The following SHROOM3 variants were observed in gnomAD, a reference collection of about 807,000 sequenced individuals.
The protein encoded by SHROOM3 is shroom family member 3.
In SHROOM3, 47 loss-of-function variants were observed where a neutral mutation model predicts 138.6. That is an observed-to-expected ratio of 0.34 (90% confidence interval 0.27 to 0.43). SHROOM3 has a LOEUF of 0.43. SHROOM3 is among the 20% of genes least tolerant of loss of function. The pLI, the probability that SHROOM3 is intolerant of heterozygous loss-of-function variation, is 1.00. For synonymous variants in SHROOM3, 1,062 were observed against 1,063.3 expected, an observed-to-expected ratio of 1.00 and a Z score of 0.02; for missense variants, 2,491 against 2,596.5, an observed-to-expected ratio of 0.96 and a Z score of 0.88.
At chr4:76,504,765 G>C (rs6848596) in intron 1 of SHROOM3, among the ~76,000 whole-genome samples, 47,605 of 152,042 alleles carry the variant, frequency 0.31, 8,727 homozygotes, top group African/African-American at 0.5. Context: ...CATCTACATA[G>C]AACATCACTG....
intron 10 of SHROOM3, among the ~76,000 whole-genome samples, chr4:76,772,351 G>A (rs1422922286): frequency 1.3e-5 from 2 of 152,042 alleles, no homozygotes; most frequent in Admixed American, 6.6e-5. Context: ...TGATCCACCT[G>A]CCTTGGCCTC....
intron 2 of SHROOM3, among the ~76,000 whole-genome samples, chr4:76,695,772 C>T (rs1266391547): frequency 6.6e-6 from 1 of 152,166 alleles, no homozygotes; most frequent in Non-Finnish European, 1.5e-5. Context: ...ATTATTGGTC[C>T]TGACATCAAA....
rs140334871 is a variant in SHROOM3 at position 76,505,543 on chromosome 4, G to T, written c.169-50066G>T. 5.0e-3 allele frequency among the ~76,000 whole-genome samples: 740 copies of T among 148,746 alleles called. 9 individuals carry two copies. Among genetic ancestry groups the T allele is most frequent in the African/African-American group, 0.018 (711 of 40,458 alleles). ...CTATGGATTCAACCAACCACAAATT[G>T]AAAATATTTGGGAAAAAAATAATAA... On this transcript the variant is annotated intron_variant, in intron 1 of 10. Coordinates refer to ENST00000296043, the MANE Select transcript of SHROOM3 (RefSeq NM_020859.4).
Position 76,555,710 on chromosome 4 carries a change from G to A in SHROOM3, c.270G>A (p.Glu90=). The A allele has an allele frequency of 1.2e-6, 2 of 1,614,014 alleles. No individual in the cohort carries two copies. Among genetic ancestry groups the A allele is most frequent in the Non-Finnish European group, 8.5e-7 (1 of 1,180,008 alleles). The change falls in exon 2 of 11, where the codon GAG becomes GAA. Residue 90 remains glutamate, a synonymous_variant. Coordinates refer to ENST00000296043, the MANE Select transcript of SHROOM3 (RefSeq NM_020859.4). ...NEVTLSSSRK[E]AVSLVKGSYK... ...TGACTCTGAGCAGCTCCAGAAAGGAGGCAGTTTCCCTGGTGAAAGGATCCT... is the reference window on the plus strand; with the variant it reads ...TGACTCTGAGCAGCTCCAGAAAGGAAGCAGTTTCCCTGGTGAAAGGATCCT...
At chr4:76,484,539 C>G (rs1311928609) in intron 1 of SHROOM3, among the ~76,000 whole-genome samples, 2 of 152,036 alleles carry the variant, frequency 1.3e-5, no homozygotes, top group Non-Finnish European at 2.9e-5. Context: ...CCACTGCACT[C>G]TAGCCTGGGC....
At chr4:76,546,382 C>G (rs547152084) in intron 1 of SHROOM3, among the ~76,000 whole-genome samples, 12 of 152,274 alleles carry the variant, frequency 7.9e-5, no homozygotes, top group African/African-American at 2.6e-4. Flanking sequence ...CACCTCTGTA[C>G]CCTGTGGCAC....
Position 76,664,978 on chromosome 4 carries a change from AC to A in SHROOM3, c.324-45177del, listed in dbSNP as rs983300343. 7.2e-5 allele frequency among the ~76,000 whole-genome samples: 11 copies of A among 152,042 alleles called. No homozygotes were observed. Among genetic ancestry groups the A allele is most frequent in the Non-Finnish European group, 1.2e-4 (8 of 68,024 alleles). ...CCAGCCTGGGCAACACAGTGAGACCACGTCTCAAAAATATATATATTAACAA... is the reference window on the plus strand; with the variant it reads ...CCAGCCTGGGCAACACAGTGAGACCAGTCTCAAAAATATATATATTAACAA... On this transcript the variant is annotated intron_variant, in intron 2 of 10. Transcript: ENST00000296043. The surrounding 1 kb of genome is among the most constrained non-coding windows in gnomAD (Gnocchi z 4.2).
chr4:76,543,744 C>A (rs1248275030), intron 1 of SHROOM3, among the ~76,000 whole-genome samples: 1 of 152,182 alleles, frequency 6.6e-6, no homozygotes, highest in African/African-American at 2.4e-5. Context: ...TCAAAATATG[C>A]TGACAAGAAA....
chr4:76,749,325 T>G (rs1721549892), intron 6 of SHROOM3, among the ~76,000 whole-genome samples: 1 of 152,238 alleles, frequency 6.6e-6, no homozygotes, highest in Non-Finnish European at 1.5e-5. Context: ...CATGTTGGTG[T>G]GCTGCACCCA....
Position 76,770,793 on chromosome 4 carries a change from G to A in SHROOM3, c.5517G>A (p.Gly1839=), listed in dbSNP as rs1216449772. 6.2e-7 allele frequency: 1 copy of A among 1,614,204 alleles called. No homozygotes were observed. Among genetic ancestry groups the A allele is most frequent in the South Asian group, 1.1e-5 (1 of 91,082 alleles). Reference sequence around the variant, plus strand: ...TTGACAAGTATAGGATGTTCATAGGGGATTTGGACAAGGTGGTCAACCTGC... The same window carrying A: ...TTGACAAGTATAGGATGTTCATAGGAGATTTGGACAAGGTGGTCAACCTGC... ...NEFDKYRMFI[G]DLDKVVNLLL... is the part of the protein sequence containing the mutation. Residue 1839 remains glycine (G), a synonymous_variant, in exon 10 of 11, where the codon GGG becomes GGA. Coordinates refer to ENST00000296043, the MANE Select transcript of SHROOM3 (RefSeq NM_020859.4).
At chr4:76,531,991 T>C (rs868151709) in intron 1 of SHROOM3, among the ~76,000 whole-genome samples, 1 of 151,770 alleles carries the variant, frequency 6.6e-6, no homozygotes, top group Non-Finnish European at 1.5e-5. Flanking sequence ...ATGTGCCATG[T>C]TGGTGTGCTG....
intron 3 of SHROOM3, among the ~76,000 whole-genome samples, chr4:76,723,255 T>A (rs1322385567): frequency 1.3e-5 from 2 of 152,178 alleles, no homozygotes; most frequent in Non-Finnish European, 2.9e-5. Flanking sequence ...CTCTACAGCC[T>A]CGGTGGCCCA....
chr4:76,654,946 A>G (rs1736035327), intron 2 of SHROOM3, among the ~76,000 whole-genome samples: 1 of 152,204 alleles, frequency 6.6e-6, no homozygotes, highest in African/African-American at 2.4e-5. Flanking sequence ...CTATTTGACT[A>G]TCTGACTTCC....
chr4:76,608,018 G>T (rs1265950521), intron 2 of SHROOM3, among the ~76,000 whole-genome samples: 1 of 152,184 alleles, frequency 6.6e-6, no homozygotes, highest in East Asian at 1.9e-4. Context: ...AGCACCAGGG[G>T]CCTGCAACCC....
chr4:76,453,069 C>T (rs1043241728), intron 1 of SHROOM3, among the ~76,000 whole-genome samples: 1 of 151,984 alleles, frequency 6.6e-6, no homozygotes, highest in Admixed American at 6.6e-5. Flanking sequence ...TTGGTGAGTT[C>T]CTTCTTTCAA....
chr4:76,698,433 A>G (rs1202929332), intron 2 of SHROOM3, among the ~76,000 whole-genome samples: 3 of 152,164 alleles, frequency 2.0e-5, no homozygotes, highest in Middle Eastern at 6.8e-3. Context: ...ATGAATGACA[A>G]TCTCCATTTA....
chr4:76,486,227 A>G (rs1242723941), intron 1 of SHROOM3, among the ~76,000 whole-genome samples: 1 of 152,220 alleles, frequency 6.6e-6, no homozygotes, highest in African/African-American at 2.4e-5. Context: ...AGTAAGTTGT[A>G]TATTTAATTG....
At chr4:76,484,996 T>C (rs543998418) in intron 1 of SHROOM3, among the ~76,000 whole-genome samples, 127 of 152,326 alleles carry the variant, frequency 8.3e-4, no homozygotes, top group African/African-American at 3.0e-3. Context: ...TCCAGTGAGA[T>C]ACCTATAATA....
intron 1 of SHROOM3, among the ~76,000 whole-genome samples, chr4:76,554,481 G>A (rs557772511): frequency 2.7e-5 from 4 of 147,462 alleles, no homozygotes; most frequent in African/African-American, 5.0e-5. Flanking sequence ...GTGCAGTGGC[G>A]TGATCTCAGC....
Sources: allele counts gnomAD v4.1 joint callset (sites outside exome capture counted in the v4.1 genomes callset), GRCh38; gene constraint gnomAD v4.1.1; non-coding constraint Gnocchi (gnomAD v3.1); transcripts MANE v1.5; gene names NCBI Gene and HGNC (gene_info 2026-07-23, HGNC 2026-07-21).